Variants in PRR35 observed in about 807,000 individuals in gnomAD.
The protein encoded by PRR35 is proline-rich protein 35.
Under a neutral mutation model 18.6 loss-of-function variants are expected in PRR35, and 14 were observed. That is an observed-to-expected ratio of 0.75 (90% CI 0.50 to 1.18). PRR35 has a LOEUF of 1.18. Among genes scored for constraint, PRR35 ranks in the 50% most tolerant of loss-of-function variants. The pLI is 0.00. For synonymous variants in PRR35, 425 were observed against 378.2 expected (o/e 1.12, Z -1.43); for missense variants, 832 against 792.2 (o/e 1.05, Z -0.60).
At position 564,783 on chromosome 16, in the gene PRR35, C is replaced by G. The variant is rs1263764134; in HGVS notation, c.1192C>G (p.Pro398Ala). Reference sequence around the variant, plus strand: ...CCCCCTGCAGCCACGGGGCCCAGTGCCAGGAAGCCCGGAGCATGTGGGCGA... The same window carrying G: ...CCCCCTGCAGCCACGGGGCCCAGTGGCAGGAAGCCCGGAGCATGTGGGCGA... ...PLPLQPRGPV[P>A]GSPEHVGEDL... Residue 398 changes from proline (P) to alanine (A), a missense_variant, in exon 3 of 3, where the codon CCA (proline) becomes GCA (alanine). Transcript: ENST00000409413. 2 of 1,546,818 alleles carry G rather than the reference C, an allele frequency of 1.3e-6. No individual in the cohort carries two copies. Among genetic ancestry groups the G allele is most frequent in the East Asian group, 2.4e-5 (1 of 41,706 alleles).
Position 560,636 on chromosome 16 carries a change from G to A in PRR35, c.-65G>A, listed in dbSNP as rs959745707. On this transcript the variant is annotated 5_prime_UTR_variant, in exon 1 of 3. Transcript: ENST00000409413. ...CCCTACACGCGGCCTCGCAGACTTG[G>A]CGGCTCCGCTCCCGGCCGGGCGCAG... The A allele has an allele frequency of 2.4e-5, 24 of 982,166 alleles. No homozygotes were observed. The highest frequency in any genetic ancestry group is 2.7e-5 in the Non-Finnish European group (22 of 828,940). 60.8% of individuals were successfully genotyped at this position (982,166 alleles called of 1,614,324 possible). A position where few individuals can be genotyped will look rare whatever the true frequency, so the allele number is the denominator to read the frequency against.
At position 565,096 on chromosome 16, in the gene PRR35, G is replaced by A; in HGVS notation, c.1505G>A (p.Gly502Asp). 6.3e-7 allele frequency: 1 copy of A among 1,594,468 alleles called. No homozygotes were observed. Among genetic ancestry groups the A allele is most frequent in the African/African-American group, 1.3e-5 (1 of 74,356 alleles). ...VLTGGTPEPP[G>D]MLGPAAPQPF... ...ACCGGGGGCACCCCCGAGCCACCCG[G>A]CATGCTGGGCCCTGCAGCGCCCCAA... Residue 502 changes from glycine to aspartate, a missense_variant, in exon 3 of 3, where the codon GGC (glycine) becomes GAC (aspartate). Physicochemically the swap from Gly to Asp is moderately conservative, Grantham distance 94. This residue lies in a region of PRR35 where 768 missense variants were observed against 704.1 expected (regional missense o/e 1.09). Transcript: ENST00000409413.
At position 560,558 on chromosome 16, in the gene PRR35, C is replaced by A; in HGVS notation, c.-143C>A. ...CCCACCCCCAGAGCCCCAGCGCGTC[C>A]GCGGGGTCCGAGTCGCGGCCGGCGC... On this transcript the variant is annotated 5_prime_UTR_variant, in exon 1 of 3. Transcript: ENST00000409413. 1.0e-6 allele frequency: 1 copy of A among 983,040 alleles called. No individual in the cohort carries two copies. Among genetic ancestry groups the A allele is most frequent in the Non-Finnish European group, 1.2e-6 (1 of 828,978 alleles). The allele number at this position is 983,040 out of a possible 1,614,324, so 60.9% of individuals were successfully genotyped here.
intron 1 of PRR35, among the ~76,000 whole-genome samples, chr16:561,014 G>GGGA (rs530944302): frequency 0.017 from 2,562 of 151,832 alleles, 67 homozygotes; most frequent in African/African-American, 0.05. Context: ...CTGTGGGGGT[G>GGGA]CCTGTGCCCC....
chr16:561,249 T>G (rs1374297006), intron 1 of PRR35, among the ~76,000 whole-genome samples: 2 of 152,148 alleles, frequency 1.3e-5, no homozygotes. Context: ...ATCCTCCGGG[T>G]CCCCAAGGGG....
At position 564,544 on chromosome 16, in the gene PRR35, G is replaced by A. The variant is rs940866967; in HGVS notation, c.1083-130G>A. On this transcript the variant is annotated intron_variant, in intron 2 of 2. Coordinates refer to ENST00000409413, the MANE Select transcript of PRR35 (RefSeq NM_145270.3). ...CTGAGACCCGAGAGCCAGCGCGGGG[G>A]TCCTCGGGGTCTCCAGGAGAGCCTA... 12 of 1,394,194 alleles carry A rather than the reference G, an allele frequency of 8.6e-6. No homozygotes were observed. The African/African-American group carries it at 1.7e-4, about 20-fold the overall frequency. The allele number at this position is 1,394,194 out of a possible 1,614,324, so 86.4% of individuals were successfully genotyped here. A position where few individuals can be genotyped will look rare whatever the true frequency, so the allele number is the denominator to read the frequency against.
chr16:564,815 G>T lies in PRR35; in HGVS notation c.1224G>T (p.Leu408=). 1 of 1,559,304 alleles carries T rather than the reference G, an allele frequency of 6.4e-7. No individual in the cohort carries two copies. Among genetic ancestry groups the T allele is most frequent in the South Asian group, 1.2e-5 (1 of 84,980 alleles). Residue 408 remains leucine (L), a synonymous_variant, in exon 3 of 3, where the codon CTG becomes CTT. Coordinates refer to ENST00000409413, the MANE Select transcript of PRR35 (RefSeq NM_145270.3). ...PGSPEHVGED[L]TRALGDYARV... ...GCCCGGAGCATGTGGGCGAGGACCT[G>T]ACCCGAGCCCTCGGTGACTACGCCA...
At chr16:564,620 G>A in intron 2 of PRR35, 54 bp from the exon 3 acceptor site, 3 of 1,467,092 alleles carry the variant, frequency 2.0e-6, no homozygotes, top group African/African-American at 2.8e-5. Context: ...GAGGGGCAGG[G>A]GCCGGGGGCG....
At position 564,061 on chromosome 16, in the gene PRR35, A is replaced by G; in HGVS notation, c.767A>G (p.Gln256Arg). 1 of 1,410,614 alleles carries G rather than the reference A, an allele frequency of 7.1e-7. No homozygotes were observed. Among genetic ancestry groups the G allele is most frequent in the African/African-American group, 1.9e-5 (1 of 52,556 alleles). The allele number at this position is 1,410,614 out of a possible 1,614,324, so 87.4% of individuals were successfully genotyped here. Residue 256 changes from glutamine (Q) to arginine (R), a missense_variant, in exon 2 of 3, where the codon CAG (glutamine) becomes CGG (arginine). Physicochemically the swap from Gln to Arg is conservative, Grantham distance 43. This residue lies in a region of PRR35 where 768 missense variants were observed against 704.1 expected (regional missense o/e 1.09). Transcript: ENST00000409413. ...ATAFPAVQPP[Q>R]RPTPAPRLYY... ...GCCTTCCCAGCCGTGCAGCCCCCTC[A>G]GCGCCCCACCCCGGCCCCCCGCCTG...
Position 560,664 on chromosome 16 carries a change from AGGAGCGGCG to A in PRR35, c.-40+9_-40+17del. 2.0e-6 allele frequency: 2 copies of A among 982,258 alleles called. No individual in the cohort carries two copies. The highest frequency in any genetic ancestry group is 2.4e-6 in the Non-Finnish European group (2 of 828,666). 60.8% of individuals were successfully genotyped at this position (982,258 alleles called of 1,614,324 possible). A position where few individuals can be genotyped will look rare whatever the true frequency, so the allele number is the denominator to read the frequency against. On this transcript the variant is annotated splice_donor_5th_base_variant and intron_variant, in intron 1 of 2. Transcript: ENST00000409413. ...GCTCCGCTCCCGGCCGGGCGCAGGT[AGGAGCGGCG>A]GGAGCCGCGGGGGCGGCCAGTTGGG...
rs759232372 is a variant in PRR35 at position 565,086 on chromosome 16, G to A, written c.1495G>A (p.Glu499Lys). 8.2e-6 allele frequency: 13 copies of A among 1,592,998 alleles called. No individual in the cohort carries two copies. The highest frequency in any genetic ancestry group is 6.7e-5 in the African/African-American group (5 of 74,166). Residue 499 changes from glutamate to lysine, a missense_variant, in exon 3 of 3, where the codon GAG becomes AAG. By Grantham distance (56) the Glu-to-Lys change is moderately conservative. This residue lies in a region of PRR35 where 768 missense variants were observed against 704.1 expected (regional missense o/e 1.09). Transcript: ENST00000409413. ...LGPVLTGGTP[E>K]PPGMLGPAAP... ...TCCCGTGTTGACCGGGGGCACCCCCGAGCCACCCGGCATGCTGGGCCCTGC... is the reference window on the plus strand; with the variant it reads ...TCCCGTGTTGACCGGGGGCACCCCCAAGCCACCCGGCATGCTGGGCCCTGC...
chr16:565,247 G>C lies in PRR35; in HGVS notation c.1656G>C (p.Arg552Ser), dbSNP rs745734935. Residue 552 changes from arginine to serine, a missense_variant, in exon 3 of 3, where the codon AGG becomes AGC. Arg to Ser is a moderately radical substitution (Grantham distance 110, BLOSUM62 -1). This residue lies in a region of PRR35 where 768 missense variants were observed against 704.1 expected (regional missense o/e 1.09). Coordinates refer to ENST00000409413, the MANE Select transcript of PRR35 (RefSeq NM_145270.3). Reference sequence around the variant, plus strand: ...GCTGGGGCACCTGTGTTGCGACGAGGAGTTCCCAGACCCCTGAGGCTGTCT... The same window carrying C: ...GCTGGGGCACCTGTGTTGCGACGAGCAGTTCCCAGACCCCTGAGGCTGTCT... ...GSGWGTCVATRSSQTPEAVCG... is the reference protein window; with the variant it reads ...GSGWGTCVATSSSQTPEAVCG... The C allele has an allele frequency of 6.3e-7, 1 of 1,598,542 alleles. No individual in the cohort carries two copies. The highest frequency in any genetic ancestry group is 1.1e-5 in the South Asian group (1 of 88,316).
intron 1 of PRR35, among the ~76,000 whole-genome samples, chr16:562,335 C>T (rs986864412): frequency 6.6e-5 from 10 of 152,234 alleles, no homozygotes; most frequent in Admixed American, 2.0e-4. Flanking sequence ...GGCCTGGCCC[C>T]ACATGAGACT....
rs376789660 is a variant in PRR35, at chr16:564,963, G to T, written c.1372G>T (p.Val458Leu). ...LTIHQALEQA[V>L]RPPDAPLDLS... The stretch of plus-strand genomic sequence containing the variant: ...CATTCACCAGGCGCTGGAGCAGGCC[G>T]TGAGGCCGCCAGACGCACCCCTCGA... Residue 458 changes from valine to leucine, a missense_variant, in exon 3 of 3, where the codon GTG (valine) becomes TTG (leucine). Coordinates refer to ENST00000409413, the MANE Select transcript of PRR35 (RefSeq NM_145270.3). 7 of 1,605,740 alleles carry T rather than the reference G, an allele frequency of 4.4e-6. No individual in the cohort carries two copies. The highest frequency in any genetic ancestry group is 5.9e-6 in the Non-Finnish European group (7 of 1,178,102).
rs371965753 is a variant in PRR35, at chr16:565,154, C to T, written c.1563C>T (p.Ala521=). The part of the protein sequence containing the change: ...PFSGHTTKCE[A]DSSVPPPGLP... ...CTGGCCACACCACCAAGTGTGAGGC[C>T]GACTCCAGCGTCCCACCCCCAGGGC... is the stretch of plus-strand genomic sequence containing the variant. The change falls in exon 3 of 3, where the codon GCC becomes GCT. Residue 521 remains alanine, a synonymous_variant. Coordinates refer to ENST00000409413, the MANE Select transcript of PRR35 (RefSeq NM_145270.3). 132 of 1,610,200 alleles carry T rather than the reference C, an allele frequency of 8.2e-5. No homozygotes were observed. The highest frequency in any genetic ancestry group is 8.1e-4 in the African/African-American group (61 of 74,924).
rs1226552945 is a variant in PRR35 at position 563,638 on chromosome 16, A to G, written c.344A>G (p.Asp115Gly). 1 of 1,579,608 alleles carries G rather than the reference A, an allele frequency of 6.3e-7. No homozygotes were observed. The highest frequency in any genetic ancestry group is 1.3e-5 in the African/African-American group (1 of 74,314). ...ARPTGAAPAP[D>G]LVVADIHSLH... ...CCCACAGGTGCTGCCCCCGCGCCTG[A>G]CCTCGTGGTCGCCGACATCCACTCC... The change falls in exon 2 of 3, where the codon GAC (aspartate) becomes GGC (glycine). Residue 115 changes from aspartate (D) to glycine (G), a missense_variant. Transcript: ENST00000409413.
Position 563,590 on chromosome 16 carries a change from G to T in PRR35, c.296G>T (p.Gly99Val), listed in dbSNP as rs2035479000. The T allele has an allele frequency of 6.3e-7, 1 of 1,597,560 alleles. No individual in the cohort carries two copies. Among genetic ancestry groups the T allele is most frequent in the Non-Finnish European group, 8.5e-7 (1 of 1,175,120 alleles). The change falls in exon 2 of 3, where the codon GGC becomes GTC. Residue 99 changes from glycine (G) to valine (V), a missense_variant. Gly to Val is a moderately radical substitution (Grantham distance 109). Around this residue, in one of 3 missense-constraint regions of PRR35, gnomAD observed 768 missense variants for 704.1 expected, o/e 1.09. Coordinates refer to ENST00000409413, the MANE Select transcript of PRR35 (RefSeq NM_145270.3). The stretch of plus-strand genomic sequence containing the variant: ...GACCGCCCTGGGGAGTCCGACCCCG[G>T]CAGGCAACCCCAGGGAGCACGGCCC... Reference protein sequence around the residue: ...TPDRPGESDPGRQPQGARPTG... With the variant: ...TPDRPGESDPVRQPQGARPTG...
At chr16:560,941 G>GA in intron 1 of PRR35, among the ~76,000 whole-genome samples, 1 of 150,878 alleles carries the variant, frequency 6.6e-6, no homozygotes, top group South Asian at 2.1e-4. Context: ...TCCCGGGGGG[G>GA]GGGGCAGCAG....
At position 564,184 on chromosome 16, in the gene PRR35, C is replaced by T. The variant is rs776895528; in HGVS notation, c.890C>T (p.Pro297Leu). 1.8e-4 allele frequency: 286 copies of T among 1,562,504 alleles called. No homozygotes were observed. The highest frequency in any genetic ancestry group is 2.3e-4 in the Non-Finnish European group (272 of 1,160,574). Residue 297 changes from proline (P) to leucine (L), a missense_variant, in exon 2 of 3, where the codon CCG (proline) becomes CTG (leucine). This residue lies in a region of PRR35 where 768 missense variants were observed against 704.1 expected (regional missense o/e 1.09). Transcript: ENST00000409413. Reference sequence around the variant, plus strand: ...TCCCCCAGGAGCCCCTCTGGGACTCCGGCTCCTGGCCTGCTGAAGGTGCCA... The same window carrying T: ...TCCCCCAGGAGCCCCTCTGGGACTCTGGCTCCTGGCCTGCTGAAGGTGCCA... ...PVSPRSPSGT[P>L]APGLLKVPVP...
Sources: allele counts gnomAD v4.1 joint callset (sites outside exome capture counted in the v4.1 genomes callset), GRCh38; gene constraint gnomAD v4.1.1; regional missense constraint gnomAD v4.1.1; transcripts MANE v1.5; gene names NCBI Gene and HGNC (gene_info 2026-07-23, HGNC 2026-07-21).